The following URGCP variants were observed in gnomAD, a reference collection of about 807,000 sequenced individuals.
URGCP encodes the protein up-regulator of cell proliferation.
Under a neutral mutation model 24.6 loss-of-function variants are expected in URGCP, and 13 were observed. The ratio of observed to expected loss-of-function variants is 0.53; its 90% CI spans 0.34 to 0.84. The LOEUF (loss-of-function observed/expected upper bound fraction) is 0.84. Among genes scored for constraint, URGCP ranks in the 40% least tolerant of loss-of-function variants. The probability of loss-of-function intolerance (pLI) is 0.01; values close to 1 mark genes in which losing one functional copy is unlikely to be tolerated. For synonymous variants in URGCP, 444 were observed against 487.2 expected (o/e 0.91, Z 1.17); for missense variants, 899 against 1,194.3 (o/e 0.75, Z 3.64).
chr7:43,911,466 A>T (rs1460400635), upstream of URGCP, among the ~76,000 whole-genome samples: 4 of 151,396 alleles, frequency 2.6e-5, no homozygotes, highest in African/African-American at 9.7e-5. Flanking sequence ...GAGGCTGAGG[A>T]GGGTGGATCA....
At chr7:43,922,269 C>G (rs1445677122) in intron 1 of URGCP, among the ~76,000 whole-genome samples, 1 of 152,156 alleles carries the variant, frequency 6.6e-6, no homozygotes, top group African/African-American at 2.4e-5. Context: ...ACCATGTTGG[C>G]CAGGCTGGTC....
At chr7:43,887,109 T>A (rs2095863317) in intron 3 of URGCP, among the ~76,000 whole-genome samples, 2 of 152,226 alleles carry the variant, frequency 1.3e-5, no homozygotes, top group African/African-American at 4.8e-5. Context: ...TGGGGTAATG[T>A]GTTTCTGTTA....
At chr7:43,906,830 G>T, upstream of URGCP, 1 of 267,360 alleles carries the variant, frequency 3.7e-6, no homozygotes, top group Non-Finnish European at 6.8e-6. Context: ...GGTGCCTGGA[G>T]GCCGGAACTC....
At chr7:43,918,362 T>C (rs2095917792) in intron 1 of URGCP, among the ~76,000 whole-genome samples, 1 of 152,032 alleles carries the variant, frequency 6.6e-6, no homozygotes, top group Non-Finnish European at 1.5e-5. Context: ...GATGGAGTCT[T>C]GCTGTGTTGC....
At chr7:43,907,766 T>G (rs2095905747), upstream of URGCP, among the ~76,000 whole-genome samples, 1 of 152,196 alleles carries the variant, frequency 6.6e-6, no homozygotes, top group African/African-American at 2.4e-5. Flanking sequence ...TTTGTAAACA[T>G]TTGTAACTAT....
intron 1 of URGCP, among the ~76,000 whole-genome samples, chr7:43,923,883 T>A (rs1006818804): frequency 6.6e-6 from 1 of 152,122 alleles, no homozygotes; most frequent in African/African-American, 2.4e-5. Context: ...ATTATTATTT[T>A]TTTTTTGAGA....
At chr7:43,887,589 T>A in intron 2 of URGCP, 104 bp from the exon 3 acceptor site, 1 of 1,512,976 alleles carries the variant, frequency 6.6e-7, no homozygotes, top group Non-Finnish European at 8.9e-7. Flanking sequence ...TTAAAAACTA[T>A]AAACCCTGGG....
In URGCP at chr7:43,887,040, T is replaced by C. The variant is rs565023763; in HGVS notation, c.112+375A>G. 1.1e-4 allele frequency among the ~76,000 whole-genome samples: 16 copies of C among 151,998 alleles called. 2 individuals are homozygous for C. The South Asian group carries it at 3.3e-3, about 31-fold the overall frequency. On this transcript the variant is annotated intron_variant, in intron 3 of 5. Transcript: ENST00000453200. ...CTTTCACTCTCAGAAGTGCCCACTT[T>C]AGAAGATAAACTATACAGTCACCTT...
At position 43,876,501 on chromosome 7, in the gene URGCP, T is replaced by C. The variant is rs929758028; in HGVS notation, c.*166A>G. The C allele has an allele frequency of 2.8e-6, 2 of 725,820 alleles. No homozygotes were observed. The highest frequency in any genetic ancestry group is 3.7e-5 in the African/African-American group (2 of 54,024). The allele number at this position is 725,820 out of a possible 1,614,324, so 45.0% of individuals were successfully genotyped here. A position where few individuals can be genotyped will look rare whatever the true frequency, so the allele number is the denominator to read the frequency against. ...AGCTGGTCTGTGAGGTCACTTCCTC[T>C]TTTAACACTGTTGAGGAGACTCCAA... is the stretch of plus-strand genomic sequence containing the variant. On this transcript the variant is annotated 3_prime_UTR_variant, in exon 6 of 6. Transcript: ENST00000453200.
chr7:43,904,600 G>C (rs868776789), intron 1 of URGCP, among the ~76,000 whole-genome samples: 3 of 152,214 alleles, frequency 2.0e-5, no homozygotes, highest in Admixed American at 6.5e-5. Context: ...GAAGCCTGTA[G>C]AAGTGGACAC....
At chr7:43,917,891 G>C (rs1026165156) in intron 1 of URGCP, among the ~76,000 whole-genome samples, 3 of 152,062 alleles carry the variant, frequency 2.0e-5, no homozygotes, top group Non-Finnish European at 4.4e-5. Context: ...TTGAATCCAG[G>C]AGGTTGAGGC....
chr7:43,886,777 T>C (rs912872715), intron 3 of URGCP, among the ~76,000 whole-genome samples: 3 of 151,796 alleles, frequency 2.0e-5, no homozygotes, highest in Admixed American at 6.6e-5. Context: ...AAATATCAAA[T>C]AAAATAATAA....
At chr7:43,919,838 C>A (rs749883702) in intron 1 of URGCP, 125 of 1,272,904 alleles carry the variant, frequency 9.8e-5, no homozygotes, top group Non-Finnish European at 1.3e-4. Flanking sequence ...TGATGGCCAA[C>A]CACACCAGCA....
chr7:43,905,702 A>C (rs1487475276), intron 1 of URGCP: 1 of 152,162 alleles, frequency 6.6e-6, no homozygotes, highest in Non-Finnish European at 1.5e-5. Flanking sequence ...GTAACAGTCA[A>C]AGAAGAATTT....
Position 43,877,781 on chromosome 7 carries a change from C to T in URGCP, c.1682G>A (p.Ser561Asn). 6.2e-7 allele frequency: 1 copy of T among 1,602,580 alleles called. No homozygotes were observed. The highest frequency in any genetic ancestry group is 8.5e-7 in the Non-Finnish European group (1 of 1,174,192). The change falls in exon 6 of 6, where the codon AGT becomes AAT. Residue 561 changes from serine to asparagine, a missense_variant. Transcript: ENST00000453200. Reference sequence around the variant, plus strand: ...CCACCTCAGGAAGTACTGCTTCTCACTCAAGGAGGGGCTGCTGATCCCCGA... The same window carrying T: ...CCACCTCAGGAAGTACTGCTTCTCATTCAAGGAGGGGCTGCTGATCCCCGA... ...FISGISSPSLSEKQYFLRWME... is the reference protein window; with the variant it reads ...FISGISSPSLNEKQYFLRWME...
At chr7:43,926,579 A>G (rs368186997), upstream of URGCP, 15 of 1,562,534 alleles carry the variant, frequency 9.6e-6, no homozygotes, top group Non-Finnish European at 1.2e-5. Context: ...CCACCCTCCA[A>G]CTCTTTGGGT....
intron 1 of URGCP, chr7:43,919,848 A>G (rs2095920147): frequency 3.9e-6 from 5 of 1,277,048 alleles, no homozygotes; most frequent in Non-Finnish European, 4.6e-6. Context: ...CCACACCAGC[A>G]TCTCCTCACT....
chr7:43,924,302 A>G (rs2095926036), intron 1 of URGCP, among the ~76,000 whole-genome samples: 3 of 152,182 alleles, frequency 2.0e-5, no homozygotes, highest in African/African-American at 7.2e-5. Flanking sequence ...ATAGAAACAG[A>G]ATTTTTCATT....
At chr7:43,926,562 C>A (rs2595706), upstream of URGCP, 75,325 of 1,568,914 alleles carry the variant, frequency 0.048, 2,563 homozygotes, top group East Asian at 0.17. Flanking sequence ...AGAAGGTACG[C>A]ACTTTCCCAC....
Sources: allele counts gnomAD v4.1 joint callset (sites outside exome capture counted in the v4.1 genomes callset), GRCh38; gene constraint gnomAD v4.1.1; transcripts MANE v1.5; gene names NCBI Gene and HGNC (gene_info 2026-07-23, HGNC 2026-07-21).